Variants in KCNG3 observed in about 807,000 individuals in gnomAD.
KCNG3 encodes voltage-gated potassium channel regulatory subunit KCNG3.
A neutral mutation model predicts 29.0 loss-of-function variants in KCNG3; 15 were observed. The ratio of observed to expected loss-of-function variants is 0.52; its 90% confidence interval spans 0.35 to 0.80. The LOEUF (loss-of-function observed/expected upper bound fraction) is 0.80, where lower values mean the gene tolerates loss of function less well. Among genes scored for constraint, KCNG3 ranks in the 30% least tolerant of loss-of-function variants. The pLI is 0.01. For missense variants in KCNG3, 512 were observed against 605.7 expected (o/e 0.85, Z 1.62); for synonymous variants, 322 against 248.9 (o/e 1.29, Z -2.76).
chr2:42,491,808 C>T (rs909537834), intron 1 of KCNG3, among the ~76,000 whole-genome samples: 4 of 152,324 alleles, frequency 2.6e-5, no homozygotes, highest in Non-Finnish European at 4.4e-5. Context: ...CCGTTCCGAA[C>T]ATGTACATGC....
intron 1 of KCNG3, among the ~76,000 whole-genome samples, chr2:42,451,319 T>C (rs1038055024): frequency 2.0e-5 from 3 of 151,632 alleles, no homozygotes; most frequent in African/African-American, 7.3e-5. Context: ...GACACACACC[T>C]GTAATCTCAG....
chr2:42,483,543 G>A (rs1673643756), intron 1 of KCNG3, among the ~76,000 whole-genome samples: 1 of 152,286 alleles, frequency 6.6e-6, no homozygotes, highest in East Asian at 1.9e-4. Flanking sequence ...TGTGAGTCTG[G>A]ACATATTGGA....
the KCNG3 span, among the ~76,000 whole-genome samples, chr2:42,426,074 T>C: frequency 6.6e-6 from 1 of 152,188 alleles, no homozygotes; most frequent in Non-Finnish European, 1.5e-5. Context: ...CAAAGTTAAT[T>C]TTTATAAAAT....
At chr2:42,430,198 C>G in the KCNG3 span, among the ~76,000 whole-genome samples, 1 of 151,196 alleles carries the variant, frequency 6.6e-6, no homozygotes, top group Non-Finnish European at 1.5e-5. Flanking sequence ...GAGACCTCAT[C>G]TCTACAAAAA....
chr2:42,461,349 T>C (rs1228190080), intron 1 of KCNG3, among the ~76,000 whole-genome samples: 3 of 151,928 alleles, frequency 2.0e-5, no homozygotes, highest in Non-Finnish European at 4.4e-5. Flanking sequence ...AAACCAGAGG[T>C]GTTTCTGTGT....
At chr2:42,409,980 C>G in the KCNG3 span, among the ~76,000 whole-genome samples, 1 of 152,108 alleles carries the variant, frequency 6.6e-6, no homozygotes, top group Non-Finnish European at 1.5e-5. Flanking sequence ...TTGGGCCCCA[C>G]TTAGAACTTT....
intron 1 of KCNG3, among the ~76,000 whole-genome samples, chr2:42,490,564 T>C (rs376027328): frequency 1.1e-4 from 17 of 152,312 alleles, no homozygotes; most frequent in Admixed American, 3.3e-4. Flanking sequence ...CAGAGATCAA[T>C]TGTGCCTCTG....
chr2:42,456,108 T>C (rs1343904661), intron 1 of KCNG3, among the ~76,000 whole-genome samples: 7 of 152,212 alleles, frequency 4.6e-5, no homozygotes, highest in African/African-American at 1.7e-4. Flanking sequence ...AATTTTAAGA[T>C]AAAACTTAAC....
At chr2:42,453,059 G>A (rs1379296123) in intron 1 of KCNG3, among the ~76,000 whole-genome samples, 1 of 152,226 alleles carries the variant, frequency 6.6e-6, no homozygotes, top group East Asian at 1.9e-4. Context: ...TGAGATTACA[G>A]GCGTGGGCCA....
At chr2:42,430,883 G>A in the KCNG3 span, among the ~76,000 whole-genome samples, 2 of 152,124 alleles carry the variant, frequency 1.3e-5, no homozygotes, top group Non-Finnish European at 2.9e-5. Flanking sequence ...GCTGAGGTGG[G>A]CAGATCGCTT....
At chr2:42,411,973 A>G in the KCNG3 span, among the ~76,000 whole-genome samples, 39 of 152,234 alleles carry the variant, frequency 2.6e-4, no homozygotes, top group Non-Finnish European at 4.6e-4. Flanking sequence ...GCTTTGATGA[A>G]TCAAATACAT....
At chr2:42,465,671 CCACT>C (rs1673124929) in intron 1 of KCNG3, among the ~76,000 whole-genome samples, 1 of 152,012 alleles carries the variant, frequency 6.6e-6, no homozygotes, top group Admixed American at 6.6e-5. Context: ...GTAAAAGACA[CCACT>C]AAGAAAATAA....
intron 1 of KCNG3, among the ~76,000 whole-genome samples, chr2:42,448,774 G>T (rs1180978019): frequency 1.3e-5 from 2 of 152,138 alleles, no homozygotes; most frequent in Admixed American, 1.3e-4. Flanking sequence ...CGGATCATGA[G>T]GTCAAGAGAT....
chr2:42,483,614 G>A (rs144322823), intron 1 of KCNG3, among the ~76,000 whole-genome samples: 3 of 152,278 alleles, frequency 2.0e-5, no homozygotes, highest in East Asian at 3.9e-4. Flanking sequence ...GGACTGTAAT[G>A]AGACTTAGAC....
At chr2:42,489,727 T>C (rs1673825655) in intron 1 of KCNG3, among the ~76,000 whole-genome samples, 3 of 152,166 alleles carry the variant, frequency 2.0e-5, no homozygotes, top group African/African-American at 4.8e-5. Flanking sequence ...CAGGAAGAAG[T>C]AAGCAGGCCA....
downstream of KCNG3, among the ~76,000 whole-genome samples, chr2:42,438,348 T>A (rs972907092): frequency 5.9e-5 from 9 of 152,196 alleles, no homozygotes; most frequent in African/African-American, 2.2e-4. Flanking sequence ...ATAGTGATCC[T>A]ATCTAATATA....
intron 1 of KCNG3, among the ~76,000 whole-genome samples, chr2:42,471,162 G>GTGTGTGTA (rs1673277533): frequency 1.3e-5 from 2 of 149,774 alleles, no homozygotes; most frequent in Non-Finnish European, 3.0e-5. Flanking sequence ...AAAAGTGTGT[G>GTGTGTGTA]TGTGTGTGTG....
chr2:42,478,112 G>A (rs1372312915), intron 1 of KCNG3, among the ~76,000 whole-genome samples: 6 of 152,058 alleles, frequency 3.9e-5, no homozygotes, highest in Non-Finnish European at 8.8e-5. Flanking sequence ...GAAACTGGTT[G>A]CCTTTAAAAC....
At chr2:42,407,319 G>C in the KCNG3 span, among the ~76,000 whole-genome samples, 1 of 151,994 alleles carries the variant, frequency 6.6e-6, no homozygotes, top group Admixed American at 6.6e-5. Context: ...TGAACTACAG[G>C]CGTGCGCCAC....
Sources: allele counts gnomAD v4.1 joint callset (sites outside exome capture counted in the v4.1 genomes callset), GRCh38; gene constraint gnomAD v4.1.1; transcripts MANE v1.5; gene names NCBI Gene and HGNC (gene_info 2026-07-23, HGNC 2026-07-21).